The following PPIL4 variants were observed in gnomAD, a reference collection of about 807,000 sequenced individuals.
PPIL4 encodes peptidylprolyl isomerase like 4, also known as peptidyl-prolyl cis-trans isomerase-like 4.
PPIL4 carries 50 observed loss-of-function variants against 69.1 expected under a neutral mutation model. The ratio of observed to expected loss-of-function variants is 0.72; its 90% CI spans 0.58 to 0.92. The LOEUF is 0.92. Ranked by LOEUF, PPIL4 falls within the 40% of genes least tolerant of loss-of-function variation. The pLI is 0.00. For synonymous variants in PPIL4, 193 were observed against 191.6 expected, an observed-to-expected ratio of 1.01 and a Z score of -0.06; for missense variants, 480 against 587.9, an observed-to-expected ratio of 0.82 and a Z score of 1.90.
rs778711189 is a variant in PPIL4, at chr6:149,535,579, G to A, written c.464+17C>T. 1.9e-6 allele frequency: 3 copies of A among 1,602,116 alleles called. No homozygotes were observed. In the East Asian group the frequency reaches 6.7e-5, roughly 36 times the overall value. ...TAAAACATTCTAGTACATTCAGATA[G>A]CAAATTGTAACCATACCTGATATCC... On this transcript the variant is annotated intron_variant, in intron 5 of 12. Transcript: ENST00000253329.
intron 10 of PPIL4, among the ~76,000 whole-genome samples, chr6:149,518,772 A>G (rs1776984481): frequency 6.6e-6 from 1 of 152,362 alleles, no homozygotes; most frequent in Middle Eastern, 3.4e-3. Context: ...AAAGGGCACC[A>G]GATTAATGTA....
At chr6:149,531,508 C>A (rs1027973096) in intron 7 of PPIL4, among the ~76,000 whole-genome samples, 1 of 147,520 alleles carries the variant, frequency 6.8e-6, no homozygotes, top group African/African-American at 2.5e-5. Flanking sequence ...TGCACTTCAA[C>A]CTGGGCAACA....
chr6:149,527,348 T>C (rs989953231), intron 7 of PPIL4, among the ~76,000 whole-genome samples: 3 of 152,132 alleles, frequency 2.0e-5, no homozygotes, highest in African/African-American at 7.2e-5. Flanking sequence ...CAAGACTCCA[T>C]CTCATAAATA....
At chr6:149,523,617 G>A (rs1777063443) in intron 9 of PPIL4, among the ~76,000 whole-genome samples, 1 of 151,992 alleles carries the variant, frequency 6.6e-6, no homozygotes, top group Admixed American at 6.6e-5. Context: ...CTTGAAACTG[G>A]GAGGCGGAGG....
intron 1 of PPIL4, among the ~76,000 whole-genome samples, chr6:149,542,040 A>G (rs528257020): frequency 6.6e-6 from 1 of 152,070 alleles, no homozygotes; most frequent in Non-Finnish European, 1.5e-5. Flanking sequence ...AAATAAAATA[A>G]AAGGGCAATA....
chr6:149,523,030 C>T (rs1460913800), intron 9 of PPIL4, among the ~76,000 whole-genome samples: 1 of 152,106 alleles, frequency 6.6e-6, no homozygotes, highest in Non-Finnish European at 1.5e-5. Context: ...AATTTCACAA[C>T]AAAGCTTCTA....
intron 12 of PPIL4, among the ~76,000 whole-genome samples, chr6:149,507,948 G>T (rs1219030295): frequency 1.3e-5 from 2 of 152,178 alleles, no homozygotes; most frequent in Non-Finnish European, 2.9e-5. Context: ...CTGCAAGAAG[G>T]CTAATGAAAG....
chr6:149,532,711 G>C (rs1777217471), intron 7 of PPIL4, among the ~76,000 whole-genome samples: 1 of 152,132 alleles, frequency 6.6e-6, no homozygotes, highest in South Asian at 2.1e-4. Flanking sequence ...CAACTCAGGA[G>C]GCTGAGGCAA....
chr6:149,515,269 G>A (rs1002931409), intron 11 of PPIL4, among the ~76,000 whole-genome samples: 4 of 151,280 alleles, frequency 2.6e-5, no homozygotes, highest in African/African-American at 9.7e-5. Context: ...TTACAGGCAT[G>A]AGCCACTGCA....
chr6:149,533,747 T>C (rs549555474), intron 6 of PPIL4, among the ~76,000 whole-genome samples, 173 bp from the exon 7 acceptor site: 2 of 152,260 alleles, frequency 1.3e-5, no homozygotes, highest in African/African-American at 2.4e-5. Context: ...CAGTGAGATC[T>C]TGTCTCTAAA....
intron 11 of PPIL4, chr6:149,516,864 A>T (rs1776951749): frequency 6.6e-6 from 1 of 152,370 alleles, no homozygotes; most frequent in Non-Finnish European, 1.5e-5. Context: ...TAAACATAAC[A>T]GCAGGTAGCA....
At chr6:149,517,509 T>A in intron 10 of PPIL4, 59 bp from the exon 11 acceptor site, 1 of 742,822 alleles carries the variant, frequency 1.3e-6, no homozygotes, top group South Asian at 2.2e-5. Context: ...CCAAGAACAA[T>A]AATTATTTTA....
At chr6:149,529,628 T>A (rs1777161677) in intron 7 of PPIL4, among the ~76,000 whole-genome samples, 1 of 151,418 alleles carries the variant, frequency 6.6e-6, no homozygotes, top group Non-Finnish European at 1.5e-5. Flanking sequence ...CCGGGCGCGG[T>A]GGCACGTGCC....
chr6:149,509,850 G>A (rs1776816554), intron 12 of PPIL4, among the ~76,000 whole-genome samples: 1 of 152,146 alleles, frequency 6.6e-6, no homozygotes, highest in South Asian at 2.1e-4. Flanking sequence ...TTCTCACTTT[G>A]TTGTGTGAAA....
intron 12 of PPIL4, among the ~76,000 whole-genome samples, chr6:149,508,946 T>C (rs1207243947): frequency 1.3e-5 from 2 of 152,146 alleles, no homozygotes; most frequent in African/African-American, 4.8e-5. Context: ...GAAATTTGTC[T>C]AGTACTGAAA....
chr6:149,527,894 A>C lies in PPIL4; in HGVS notation c.679-1118T>G, dbSNP rs969611992. 2.6e-4 allele frequency among the ~76,000 whole-genome samples: 40 copies of C among 152,196 alleles called. 1 individual carries two copies. Among genetic ancestry groups the C allele is most frequent in the Non-Finnish European group, 5.9e-5 (4 of 68,042 alleles). On this transcript the variant is annotated intron_variant, in intron 7 of 12. Transcript: ENST00000253329. ...AATCTTGAAAATAAAAAACAGTAAG[A>C]AGCAACACAGCCAGTAAGATCTCCT... is the stretch of plus-strand genomic sequence containing the variant.
intron 12 of PPIL4, among the ~76,000 whole-genome samples, chr6:149,511,127 T>C (rs1453910890): frequency 1.3e-5 from 2 of 151,968 alleles, no homozygotes; most frequent in African/African-American, 4.8e-5. Flanking sequence ...CCATCTTAAA[T>C]TCCCTCCCTT....
intron 7 of PPIL4, among the ~76,000 whole-genome samples, chr6:149,531,485 G>A (rs906224916): frequency 6.1e-5 from 9 of 147,422 alleles, no homozygotes; most frequent in African/African-American, 1.3e-4. Context: ...GCAGTGAGCC[G>A]AGATCATGCC....
chr6:149,522,918 C>A (rs1416987859), intron 9 of PPIL4, among the ~76,000 whole-genome samples: 3 of 152,044 alleles, frequency 2.0e-5, no homozygotes, highest in Non-Finnish European at 2.9e-5. Context: ...GCCAGGACAA[C>A]CTTTTAAATA....
Sources: gnomAD v4.1 joint callset for allele counts (sites outside exome capture counted in the v4.1 genomes callset) on GRCh38, gnomAD v4.1.1 for gene constraint, MANE v1.5 for transcripts, NCBI Gene and HGNC (gene_info 2026-07-23, HGNC 2026-07-21) for gene names.